ST18: variants seen among roughly 807,000 people sequenced by gnomAD.
ST18 encodes the protein ST18 C2H2C-type zinc finger transcription factor, also known as suppression of tumorigenicity 18 protein.
In ST18, 50 loss-of-function variants were observed where a neutral mutation model predicts 110.0. The ratio of observed to expected loss-of-function variants is 0.45; its 90% CI spans 0.36 to 0.58. The LOEUF is 0.58. Among genes scored for constraint, ST18 ranks in the 20% least tolerant of loss-of-function variants. The pLI is 0.00. For missense variants in ST18, 1,306 were observed against 1,280.1 expected, an observed-to-expected ratio of 1.02 and a Z score of -0.31; for synonymous variants, 461 against 452.4, an observed-to-expected ratio of 1.02 and a Z score of -0.24.
chr8:52,306,293 C>T (rs1472663133), intron 2 of ST18, among the ~76,000 whole-genome samples: 1 of 152,186 alleles, frequency 6.6e-6, no homozygotes, highest in African/African-American at 2.4e-5. Flanking sequence ...CTGGCATGCT[C>T]AACAATTCCC....
rs571306739 is a variant in ST18 at position 52,327,387 on chromosome 8, AAGAG to A, written c.-465+81937_-465+81940del. ...TTCTGTCCAGCCATCTCAACTCACCAAGAGAGAGTCTGTATAGAACCCACTGCAT... is the reference window on the plus strand; with the variant it reads ...TTCTGTCCAGCCATCTCAACTCACCAAGAGTCTGTATAGAACCCACTGCAT... On this transcript the variant is annotated intron_variant, in intron 2 of 25. Transcript: ENST00000689386. Among the ~76,000 whole-genome samples, 144 of 152,310 alleles carry A rather than the reference AAGAG, an allele frequency of 9.5e-4. 2 individuals are homozygous for A. The highest frequency in any genetic ancestry group is 3.1e-3 in the African/African-American group (127 of 41,556).
chr8:52,309,660 A>G (rs9643800), intron 2 of ST18, among the ~76,000 whole-genome samples: 8,571 of 152,116 alleles, frequency 0.056, 431 homozygotes, highest in African/African-American at 0.13. Context: ...ATAAATAATA[A>G]TAAAGTGATG....
At chr8:52,343,035 C>T (rs1212915359) in intron 2 of ST18, among the ~76,000 whole-genome samples, 19 of 152,058 alleles carry the variant, frequency 1.2e-4, no homozygotes, top group Admixed American at 1.2e-3. Context: ...TAGAATGACT[C>T]AAAATGTCAA....
chr8:52,156,237 A>C (rs1461446042), intron 15 of ST18, among the ~76,000 whole-genome samples: 1 of 152,224 alleles, frequency 6.6e-6, no homozygotes, highest in Non-Finnish European at 1.5e-5. Context: ...TGGCCGGGGC[A>C]GTCCAGCACT....
At chr8:52,377,212 C>T (rs1159739138) in intron 2 of ST18, among the ~76,000 whole-genome samples, 2 of 152,100 alleles carry the variant, frequency 1.3e-5, no homozygotes, top group South Asian at 4.1e-4. Flanking sequence ...AATTATATTA[C>T]CTAAATGCTG....
chr8:52,205,219 A>G (rs2079537866), intron 8 of ST18, among the ~76,000 whole-genome samples: 1 of 150,650 alleles, frequency 6.6e-6, no homozygotes, highest in Admixed American at 6.6e-5. Context: ...TACATGTAAT[A>G]AAAACTGGAA....
At chr8:52,163,863 C>A in intron 13 of ST18, 123 bp downstream of exon 13, 1 of 665,882 alleles carries the variant, frequency 1.5e-6, no homozygotes, top group Non-Finnish European at 2.6e-6. Context: ...GCTGCACACC[C>A]AGGTCTACTG....
At position 52,199,878 on chromosome 8, in the gene ST18, C is replaced by T. The variant is rs181950603; in HGVS notation, c.86+12201G>A. On this transcript the variant is annotated intron_variant, in intron 8 of 25. Coordinates refer to ENST00000689386, the MANE Select transcript of ST18 (RefSeq NM_001352837.2). ...TGCCTGCTCTGTGACAGCAGAAGTT[C>T]CCTGGGCAATTTCTCTTCCTTCAAA... Among the ~76,000 whole-genome samples the T allele has an allele frequency of 3.6e-3, 552 of 152,286 alleles. 3 individuals are homozygous for T. Among genetic ancestry groups the T allele is most frequent in the African/African-American group, 0.013 (534 of 41,556 alleles).
chr8:52,339,790 T>C (rs544676709), intron 2 of ST18, among the ~76,000 whole-genome samples: 1 of 152,366 alleles, frequency 6.6e-6, no homozygotes, highest in East Asian at 1.9e-4. Flanking sequence ...ATGTCACCCC[T>C]TTCCGAGTTC....
chr8:52,389,195 G>T (rs565321950), intron 2 of ST18, among the ~76,000 whole-genome samples: 1 of 152,264 alleles, frequency 6.6e-6, no homozygotes, highest in South Asian at 2.1e-4. Flanking sequence ...CTTTGGAGGC[G>T]AGCGCGGAGG....
chr8:52,259,407 A>G (rs945464913), intron 2 of ST18, among the ~76,000 whole-genome samples: 1 of 152,198 alleles, frequency 6.6e-6, no homozygotes, highest in African/African-American at 2.4e-5. Flanking sequence ...TCATACTTGC[A>G]ATATTTAATC....
chr8:52,279,190 T>C (rs956670120), intron 2 of ST18, among the ~76,000 whole-genome samples: 8 of 152,058 alleles, frequency 5.3e-5, no homozygotes, highest in African/African-American at 1.9e-4. Context: ...ATCTAATCTA[T>C]GATTATTGAA....
At chr8:52,255,382 C>G (rs1303319207) in intron 2 of ST18, among the ~76,000 whole-genome samples, 1 of 152,126 alleles carries the variant, frequency 6.6e-6, no homozygotes, top group Non-Finnish European at 1.5e-5. Context: ...GCAGTCTATC[C>G]TCCCAAATTT....
At chr8:52,175,318 C>T (rs1233506782) in intron 9 of ST18, among the ~76,000 whole-genome samples, 1 of 152,072 alleles carries the variant, frequency 6.6e-6, no homozygotes, top group Non-Finnish European at 1.5e-5. Flanking sequence ...TAGTTTTTTA[C>T]CTAGGATAAT....
At chr8:52,290,868 C>A (rs747730458) in intron 2 of ST18, among the ~76,000 whole-genome samples, 2 of 152,194 alleles carry the variant, frequency 1.3e-5, no homozygotes, top group South Asian at 2.1e-4. Flanking sequence ...TGCTCTCCAC[C>A]ACCTTGTTCT....
At chr8:52,246,616 A>C (rs1273604019) in intron 2 of ST18, 1 of 152,162 alleles carries the variant, frequency 6.6e-6, no homozygotes, top group East Asian at 1.9e-4. Context: ...GCAGACACAT[A>C]AAATGGAATT....
At chr8:52,206,892 T>C (rs2080275811) in intron 8 of ST18, 1 of 152,182 alleles carries the variant, frequency 6.6e-6, no homozygotes, top group Non-Finnish European at 1.5e-5. Flanking sequence ...TCTAACTTCA[T>C]GATTAAAATG....
At chr8:52,180,448 A>G (rs560292248) in intron 8 of ST18, 136 bp from the exon 9 acceptor site, 1 of 826,592 alleles carries the variant, frequency 1.2e-6, no homozygotes, top group Non-Finnish European at 1.9e-6. Flanking sequence ...TGGCACTAAC[A>G]AAAACATCCC....
chr8:52,164,119 T>G, intron 12 of ST18, 29 bp from the exon 13 acceptor site: 1 of 1,579,848 alleles, frequency 6.3e-7, no homozygotes, highest in Non-Finnish European at 8.7e-7. Flanking sequence ...ACAGGAGGAT[T>G]TTAGTTAAAA....
Sources: allele counts gnomAD v4.1 joint callset (sites outside exome capture counted in the v4.1 genomes callset), GRCh38; gene constraint gnomAD v4.1.1; transcripts MANE v1.5; gene names NCBI Gene and HGNC (gene_info 2026-07-23, HGNC 2026-07-21).